Variants in KDM4B observed in about 807,000 individuals in gnomAD.
The protein encoded by KDM4B is lysine-specific demethylase 4B.
Under a neutral mutation model 125.2 loss-of-function variants are expected in KDM4B, and 32 were observed. The ratio of observed to expected loss-of-function variants is 0.26; its 90% CI spans 0.19 to 0.34. The LOEUF (loss-of-function observed/expected upper bound fraction) is 0.34, where lower values mean the gene tolerates loss of function less well. Ranked by LOEUF, KDM4B falls within the 10% of genes least tolerant of loss-of-function variation. The pLI, the probability that KDM4B is intolerant of heterozygous loss-of-function variation, is 1.00. For missense variants in KDM4B, 1,190 were observed against 1,577.7 expected (o/e 0.75, Z 4.16); for synonymous variants, 721 against 677.9 (o/e 1.06, Z -0.99).
chr19:5,011,727 G>A (rs1367956923), intron 1 of KDM4B, among the ~76,000 whole-genome samples: 1 of 152,254 alleles, frequency 6.6e-6, no homozygotes, highest in Non-Finnish European at 1.5e-5. Flanking sequence ...TGGGCAGTGT[G>A]GTCTGGTGCA....
At chr19:5,038,880 TC>T (rs1484147447) in intron 3 of KDM4B, among the ~76,000 whole-genome samples, 1 of 152,238 alleles carries the variant, frequency 6.6e-6, no homozygotes, top group Non-Finnish European at 1.5e-5. Flanking sequence ...CGCCTGCACT[TC>T]CTGTTGGCTC....
chr19:5,056,129 C>T (rs2037388196), intron 6 of KDM4B, among the ~76,000 whole-genome samples: 1 of 151,036 alleles, frequency 6.6e-6, no homozygotes, highest in South Asian at 2.1e-4. Context: ...GTCCCCTAAT[C>T]TGTATGTCCC....
At chr19:5,005,255 G>C (rs1354159278) in intron 1 of KDM4B, among the ~76,000 whole-genome samples, 1 of 152,236 alleles carries the variant, frequency 6.6e-6, no homozygotes, top group Non-Finnish European at 1.5e-5. Flanking sequence ...GGAGAACACA[G>C]ATGCCCGGGG....
intron 1 of KDM4B, among the ~76,000 whole-genome samples, chr19:4,976,734 G>A (rs987972758): frequency 6.6e-5 from 10 of 152,358 alleles, no homozygotes; most frequent in Middle Eastern, 3.4e-3. Context: ...GCTTTGTAGA[G>A]TGAGTGGACA....
intron 9 of KDM4B, among the ~76,000 whole-genome samples, chr19:5,092,778 G>C (rs2038737684): frequency 6.6e-6 from 1 of 152,158 alleles, no homozygotes; most frequent in Admixed American, 6.5e-5. Context: ...GCAGGGCCTG[G>C]CCCTGAGTCA....
At chr19:5,025,330 ACT>A (rs2036245738) in intron 2 of KDM4B, among the ~76,000 whole-genome samples, 1 of 152,084 alleles carries the variant, frequency 6.6e-6, no homozygotes, top group Admixed American at 6.5e-5. Context: ...GCAGCTGTAG[ACT>A]CTGTGGACCG....
At chr19:5,006,294 G>A (rs1054216781) in intron 1 of KDM4B, among the ~76,000 whole-genome samples, 6 of 152,068 alleles carry the variant, frequency 3.9e-5, no homozygotes, top group African/African-American at 1.4e-4. Context: ...CCCTGGGCTT[G>A]TGGGGGCTTC....
At chr19:4,989,943 G>C (rs1367212501) in intron 1 of KDM4B, among the ~76,000 whole-genome samples, 1 of 152,138 alleles carries the variant, frequency 6.6e-6, no homozygotes, top group African/African-American at 2.4e-5. Flanking sequence ...GTGAGCCACG[G>C]TGTCTGACTC....
rs1050284888 is a variant in KDM4B, at chr19:5,047,334, C to T, written c.433-142C>T. The stretch of plus-strand genomic sequence containing the variant: ...CCCCTGGTCTGCAGGGTATGACCGG[C>T]CCCTGGGGGGGCCGCAGATACTGGG... On this transcript the variant is annotated intron_variant, in intron 5 of 22. Coordinates refer to ENST00000159111, the MANE Select transcript of KDM4B (RefSeq NM_015015.3). 2.4e-5 allele frequency: 17 copies of T among 711,822 alleles called. 1 individual carries two copies. The Admixed American group carries it at 3.2e-4, about 13-fold the overall frequency. The allele number at this position is 711,822 out of a possible 1,614,324, so 44.1% of individuals were successfully genotyped here.
chr19:5,131,640 GGA>G, intron 12 of KDM4B, 95 bp downstream of exon 12: 1 of 618,998 alleles, frequency 1.6e-6, no homozygotes, highest in South Asian at 2.0e-5. Flanking sequence ...TGGTGGCGGG[GGA>G]GGGGGCAGGG....
intron 5 of KDM4B, among the ~76,000 whole-genome samples, chr19:5,043,349 A>T (rs2036890523): frequency 8.3e-6 from 1 of 119,952 alleles, no homozygotes; most frequent in Admixed American, 9.1e-5. Flanking sequence ...CGCAGCATTT[A>T]TCGGAGTGGG....
At chr19:5,102,307 A>G (rs999995872) in intron 9 of KDM4B, among the ~76,000 whole-genome samples, 2 of 152,184 alleles carry the variant, frequency 1.3e-5, no homozygotes, top group Non-Finnish European at 2.9e-5. Context: ...CAGCCTACCA[A>G]GGCATCACTT....
At chr19:5,057,465 G>T (rs1287564730) in intron 6 of KDM4B, among the ~76,000 whole-genome samples, 4 of 152,198 alleles carry the variant, frequency 2.6e-5, no homozygotes, top group African/African-American at 9.7e-5. Flanking sequence ...GCTGTTTCCA[G>T]CATGAGGCTT....
Position 5,119,759 on chromosome 19 carries a change from G to C in KDM4B, c.1222G>C (p.Val408Leu). Residue 408 changes from valine (V) to leucine (L), a missense_variant, in exon 11 of 23, where the codon GTG becomes CTG. By Grantham distance (32) the Val-to-Leu change is conservative. Around this residue, in one of 7 missense-constraint regions of KDM4B, gnomAD observed 428 missense variants for 405.1 expected, o/e 1.06. Transcript: ENST00000159111. ...AALLEEAGGS[V>L]KEEAGPEVDP... The stretch of plus-strand genomic sequence containing the variant: ...GCTCCTAGAGGAGGCTGGGGGCAGC[G>C]TGAAGGAGGAGGCTGGGCCGGAGGT... 4 of 1,548,002 alleles carry C rather than the reference G, an allele frequency of 2.6e-6. No individual in the cohort carries two copies. The highest frequency in any genetic ancestry group is 3.5e-6 in the Non-Finnish European group (4 of 1,145,732).
At chr19:5,140,783 G>C (rs183351466) in intron 18 of KDM4B, 1 of 151,736 alleles carries the variant, frequency 6.6e-6, no homozygotes, top group Non-Finnish European at 1.5e-5. Flanking sequence ...CTGGGGCCGC[G>C]TCCCCACTAA....
rs185678228 is a variant in KDM4B, at chr19:5,128,265, C to G, written c.1316-2811C>G. 2.0e-5 allele frequency among the ~76,000 whole-genome samples: 3 copies of G among 152,324 alleles called. No homozygotes were observed. In the East Asian group the frequency reaches 5.8e-4, roughly 29 times the overall value. On this transcript the variant is annotated intron_variant, in intron 11 of 22. Coordinates refer to ENST00000159111, the MANE Select transcript of KDM4B (RefSeq NM_015015.3). ...CTCCTCGCCTCCTTCCCCAATTCCT[C>G]ATGTGTGCACTGAGTGGCCCTGCAG...
chr19:5,109,652 C>G (rs2039101792), intron 9 of KDM4B, among the ~76,000 whole-genome samples: 1 of 152,184 alleles, frequency 6.6e-6, no homozygotes, highest in Non-Finnish European at 1.5e-5. Context: ...AATGTCCTTT[C>G]TTAGCCGCTG....
chr19:5,034,937 C>T (rs902516676), intron 3 of KDM4B, among the ~76,000 whole-genome samples: 7 of 152,196 alleles, frequency 4.6e-5, no homozygotes, highest in African/African-American at 1.7e-4. Context: ...AGCAGTCCTC[C>T]AGCCTCAGCT....
intron 1 of KDM4B, among the ~76,000 whole-genome samples, chr19:4,969,566 A>G (rs1224728206): frequency 1.3e-5 from 2 of 151,418 alleles, no homozygotes; most frequent in Non-Finnish European, 3.0e-5. Flanking sequence ...ACAAAAGATG[A>G]CAGCGTGGGT....
Sources: allele counts gnomAD v4.1 joint callset (sites outside exome capture counted in the v4.1 genomes callset), GRCh38; gene constraint gnomAD v4.1.1; regional missense constraint gnomAD v4.1.1; transcripts MANE v1.5; gene names NCBI Gene and HGNC (gene_info 2026-07-23, HGNC 2026-07-21).